The following ZYG11A variants were observed in gnomAD, a reference collection of about 807,000 sequenced individuals.
ZYG11A encodes the protein zyg-11 family member A, cell cycle regulator.
Under a neutral mutation model 77.2 loss-of-function variants are expected in ZYG11A, and 62 were observed. That is an observed-to-expected ratio of 0.80 (90% CI 0.65 to 0.99). The LOEUF (loss-of-function observed/expected upper bound fraction) is 0.99, where lower values mean the gene tolerates loss of function less well. Among genes scored for constraint, ZYG11A ranks in the 50% least tolerant of loss-of-function variants. The pLI, the probability that ZYG11A is intolerant of heterozygous loss-of-function variation, is 0.00. For missense variants in ZYG11A, 828 were observed against 896.8 expected (o/e 0.92, Z 0.98); for synonymous variants, 315 against 324.6 (o/e 0.97, Z 0.32).
intron 13 of ZYG11A, among the ~76,000 whole-genome samples, chr1:52,891,833 GA>G (rs995574090): frequency 1.3e-5 from 2 of 151,912 alleles, no homozygotes; most frequent in African/African-American, 4.9e-5. Flanking sequence ...CCAGCTCCTG[GA>G]AAATTCCTTT....
chr1:52,874,521 T>C (rs1646228429), intron 8 of ZYG11A, among the ~76,000 whole-genome samples: 1 of 152,284 alleles, frequency 6.6e-6, no homozygotes, highest in South Asian at 2.1e-4. Context: ...CAAAGTGCTA[T>C]GATTATAGGC....
chr1:52,847,760 C>G (rs140166736), intron 1 of ZYG11A, among the ~76,000 whole-genome samples: 16 of 150,830 alleles, frequency 1.1e-4, no homozygotes, highest in African/African-American at 3.9e-4. Context: ...ACCTCTGCCT[C>G]CTGGGTTCAG....
At chr1:52,867,000 C>G (rs573162265) in intron 6 of ZYG11A, among the ~76,000 whole-genome samples, 1 of 152,006 alleles carries the variant, frequency 6.6e-6, no homozygotes, top group African/African-American at 2.4e-5. Flanking sequence ...TTTAGAAAAT[C>G]ATCATCATCC....
rs1444757253 is a variant in ZYG11A at position 52,892,988 on chromosome 1, C to T, written c.*31C>T. ...AGGAATTTCAGAGGTGTGTGCTCTT[C>T]CTCAATGTCAGGTGTTCTGCCCTGG... On this transcript the variant is annotated 3_prime_UTR_variant, in exon 14 of 14. Transcript: ENST00000371528. 11 of 1,538,568 alleles carry T rather than the reference C, an allele frequency of 7.1e-6. No homozygotes were observed. Among genetic ancestry groups the T allele is most frequent in the Non-Finnish European group, 9.7e-6 (11 of 1,137,934 alleles).
intron 1 of ZYG11A, among the ~76,000 whole-genome samples, chr1:52,843,594 G>A (rs1645497806): frequency 6.6e-6 from 1 of 152,130 alleles, no homozygotes; most frequent in Admixed American, 6.6e-5. Flanking sequence ...TTTGCCGAAT[G>A]CCTGTTACTC....
chr1:52,843,680 CTT>C (rs1359827471), intron 1 of ZYG11A, among the ~76,000 whole-genome samples: 4 of 127,042 alleles, frequency 3.1e-5, no homozygotes, highest in Non-Finnish European at 6.8e-5. Context: ...CCTTTCTTTT[CTT>C]TCTTTCTTTT....
intron 8 of ZYG11A, among the ~76,000 whole-genome samples, chr1:52,873,060 CTG>C (rs1461528881): frequency 6.6e-6 from 1 of 152,122 alleles, no homozygotes; most frequent in East Asian, 1.9e-4. Flanking sequence ...TGGCTCATGT[CTG>C]TAATCCTAGC....
chr1:52,867,828 T>G, intron 8 of ZYG11A, 51 bp downstream of exon 8: 1 of 1,436,696 alleles, frequency 7.0e-7, no homozygotes, highest in Non-Finnish European at 9.5e-7. Flanking sequence ...GTCAAATTTA[T>G]GATTATAGCT....
chr1:52,872,668 G>T (rs1186539266), intron 8 of ZYG11A, among the ~76,000 whole-genome samples: 1 of 150,948 alleles, frequency 6.6e-6, no homozygotes, highest in Non-Finnish European at 1.5e-5. Context: ...ATCATTTGCG[G>T]TCAAGAGTTT....
At chr1:52,886,725 T>TA (rs1646458686) in intron 12 of ZYG11A, among the ~76,000 whole-genome samples, 1 of 142,924 alleles carries the variant, frequency 7.0e-6, no homozygotes, top group South Asian at 2.3e-4. Flanking sequence ...TTTTTTTTTT[T>TA]TTGTAGAGAC....
At chr1:52,843,397 A>G (rs1645491189) in intron 1 of ZYG11A, among the ~76,000 whole-genome samples, 1 of 151,810 alleles carries the variant, frequency 6.6e-6, no homozygotes, top group Admixed American at 6.6e-5. Context: ...GCAAACCTTG[A>G]CCGTTTCCCC....
chr1:52,877,154 C>T (rs1211513352), intron 8 of ZYG11A, among the ~76,000 whole-genome samples: 3 of 152,128 alleles, frequency 2.0e-5, no homozygotes, highest in Non-Finnish European at 4.4e-5. Context: ...TGCATGTCCC[C>T]ATTTCTTACT....
chr1:52,872,750 G>T (rs1006228450), intron 8 of ZYG11A, among the ~76,000 whole-genome samples: 1 of 151,036 alleles, frequency 6.6e-6, no homozygotes, highest in Non-Finnish European at 1.5e-5. Flanking sequence ...CGGCATGGTG[G>T]CAAATGCCTG....
rs911084119 is a variant in ZYG11A, at chr1:52,857,430, T to C, written c.689T>C (p.Leu230Ser). 5.2e-6 allele frequency: 8 copies of C among 1,552,076 alleles called. No homozygotes were observed. The change falls in exon 3 of 14, where the codon TTG becomes TCG. Residue 230 changes from leucine (L) to serine (S), a missense_variant. Transcript: ENST00000371528. ...ISALLTCKDR[L>S]KSLTMHYLKC... ...GCACTGCTTACCTGTAAGGATCGAT[T>C]GAAGTCTCTCACAATGCACTATCTG...
intron 1 of ZYG11A, among the ~76,000 whole-genome samples, chr1:52,850,142 T>G (rs79250149): frequency 0.025 from 3,742 of 152,174 alleles, 109 homozygotes; most frequent in Middle Eastern, 0.13. Context: ...TTTGTAGTTC[T>G]GATCTGCTGA....
Position 52,849,631 on chromosome 1 carries a change from G to A in ZYG11A, c.91-4834G>A, listed in dbSNP as rs532413983. Among the ~76,000 whole-genome samples the A allele has an allele frequency of 2.2e-4, 34 of 151,508 alleles. No individual in the cohort carries two copies. In the South Asian group the frequency reaches 6.2e-3, roughly 28 times the overall value. ...GATCTGCCCGCCTCGGCCTCTAAGC[G>A]TGCTGGGATTACAGGCGTGAACCAC... On this transcript the variant is annotated intron_variant, in intron 1 of 13. Transcript: ENST00000371528.
At chr1:52,845,450 T>G (rs1645547745) in intron 1 of ZYG11A, among the ~76,000 whole-genome samples, 1 of 151,696 alleles carries the variant, frequency 6.6e-6, no homozygotes, top group African/African-American at 2.4e-5. Flanking sequence ...GGACTACAAG[T>G]GTGTGCCACC....
intron 1 of ZYG11A, among the ~76,000 whole-genome samples, chr1:52,846,550 A>G (rs925029591): frequency 3.3e-5 from 5 of 151,390 alleles, no homozygotes; most frequent in African/African-American, 9.7e-5. Context: ...ATGGGGTTTC[A>G]CTATGTTGGC....
intron 4 of ZYG11A, among the ~76,000 whole-genome samples, chr1:52,861,391 A>C (rs577170604): frequency 6.6e-6 from 1 of 152,340 alleles, no homozygotes; most frequent in East Asian, 1.9e-4. Context: ...GAAAGGTCTT[A>C]AGAAAAACCT....
Sources: gnomAD v4.1 joint callset for allele counts (sites outside exome capture counted in the v4.1 genomes callset) on GRCh38, gnomAD v4.1.1 for gene constraint, MANE v1.5 for transcripts, NCBI Gene and HGNC (gene_info 2026-07-23, HGNC 2026-07-21) for gene names.